ZGRF1: variants seen among roughly 807,000 people sequenced by gnomAD.
ZGRF1 encodes the protein 5'-3' DNA helicase ZGRF1.
ZGRF1 carries 196 observed loss-of-function variants against 203.5 expected under a neutral mutation model. The ratio of observed to expected loss-of-function variants is 0.96; its 90% CI spans 0.86 to 1.08. The LOEUF is 1.08. ZGRF1 is among the 50% of genes least tolerant of loss of function. The probability of loss-of-function intolerance (pLI) is 0.00; values close to 1 mark genes in which losing one functional copy is unlikely to be tolerated. For missense variants in ZGRF1, 2,326 were observed against 2,416.3 expected (o/e 0.96, Z 0.78); for synonymous variants, 809 against 841.3 (o/e 0.96, Z 0.66).
chr4:112,573,196 A>ACC (rs1464721225), intron 16 of ZGRF1, among the ~76,000 whole-genome samples: 2 of 148,352 alleles, frequency 1.3e-5, no homozygotes, highest in Admixed American at 1.4e-4. Flanking sequence ...ACACACACAC[A>ACC]CACACCCATG....
At chr4:112,592,718 T>C (rs193287038) in intron 10 of ZGRF1, among the ~76,000 whole-genome samples, 2 of 152,350 alleles carry the variant, frequency 1.3e-5, no homozygotes, top group Non-Finnish European at 2.9e-5. Context: ...AGCATCTCTA[T>C]TTGATGGTTT....
chr4:112,581,643 G>A lies in ZGRF1; in HGVS notation c.4438+20C>T, dbSNP rs1746277422. 2 of 1,554,534 alleles carry A rather than the reference G, an allele frequency of 1.3e-6. No individual in the cohort carries two copies. The highest frequency in any genetic ancestry group is 1.7e-6 in the Non-Finnish European group (2 of 1,155,924). On this transcript the variant is annotated intron_variant, in intron 16 of 27. Transcript: ENST00000505019. ...ATAATAAGGCTAGACTGAATCGCCA[G>A]TATGATCAGATCAACTTACTTTTGC... is the stretch of plus-strand genomic sequence containing the variant.
chr4:112,596,306 C>T (rs1748998194), intron 10 of ZGRF1, among the ~76,000 whole-genome samples: 1 of 152,046 alleles, frequency 6.6e-6, no homozygotes, highest in Non-Finnish European at 1.5e-5. Flanking sequence ...TAAAGGAAAG[C>T]CCAATAAGAA....
intron 7 of ZGRF1, among the ~76,000 whole-genome samples, chr4:112,610,229 T>A (rs1166631672): frequency 6.6e-6 from 1 of 152,108 alleles, no homozygotes; most frequent in African/African-American, 2.4e-5. Flanking sequence ...CTAGTAAAAA[T>A]GAAGTAAAAT....
intron 1 of ZGRF1, 46 bp from the exon 2 acceptor site, chr4:112,633,288 A>T: frequency 1.2e-6 from 1 of 856,358 alleles, no homozygotes; most frequent in Non-Finnish European, 1.9e-6. Context: ...TTTTTAAAAA[A>T]TATCAAATAT....
chr4:112,589,424 G>A (rs1747773623), intron 11 of ZGRF1, among the ~76,000 whole-genome samples: 2 of 152,110 alleles, frequency 1.3e-5, no homozygotes, highest in Non-Finnish European at 2.9e-5. Context: ...GCTGTAAAGG[G>A]GTCAGATGCT....
chr4:112,602,795 A>G (rs1413025304), intron 10 of ZGRF1, among the ~76,000 whole-genome samples: 1 of 152,206 alleles, frequency 6.6e-6, no homozygotes, highest in Non-Finnish European at 1.5e-5. Flanking sequence ...CAAAGAATAC[A>G]CTGTGTATGA....
rs36039349 is a variant in ZGRF1 at position 112,608,299 on chromosome 4, T to C, written c.2718+1080A>G. Among the ~76,000 whole-genome samples the C allele has an allele frequency of 6.2e-3, 940 of 152,324 alleles. 9 individuals are homozygous for C. The highest frequency in any genetic ancestry group is 8.7e-3 in the Non-Finnish European group (595 of 68,028). On this transcript the variant is annotated intron_variant, in intron 8 of 27. Coordinates refer to ENST00000505019, the MANE Select transcript of ZGRF1 (RefSeq NM_018392.5). Reference sequence around the variant, plus strand: ...AATGATAGTGTTTATCTGTAGTTTATACTCTGTGATACCTGTCCTTAAAAA... The same window carrying C: ...AATGATAGTGTTTATCTGTAGTTTACACTCTGTGATACCTGTCCTTAAAAA...
At chr4:112,551,569 A>T (rs943402608) in intron 22 of ZGRF1, among the ~76,000 whole-genome samples, 6 of 152,228 alleles carry the variant, frequency 3.9e-5, no homozygotes, top group Non-Finnish European at 7.3e-5. Context: ...ATAGCCCTGT[A>T]TCAGTTAGGT....
intron 3 of ZGRF1, among the ~76,000 whole-genome samples, chr4:112,624,301 A>G (rs1235561511): frequency 6.6e-6 from 1 of 152,076 alleles, no homozygotes; most frequent in African/African-American, 2.4e-5. Context: ...GGATCACTTG[A>G]GGTCTAGACC....
chr4:112,564,499 G>T lies in ZGRF1; in HGVS notation c.4439-1225C>A, dbSNP rs77196057. ...AATAGGAATGAGAGATTGAAGTGAA[G>T]AAAATAAACTGAAGAGAACCTTAAG... On this transcript the variant is annotated intron_variant, in intron 16 of 27. Transcript: ENST00000505019. Among the ~76,000 whole-genome samples, 1,368 of 152,084 alleles carry T rather than the reference G, an allele frequency of 9.0e-3. 17 individuals carry two copies. Among genetic ancestry groups the T allele is most frequent in the African/African-American group, 0.031 (1,276 of 41,496 alleles).
intron 16 of ZGRF1, among the ~76,000 whole-genome samples, chr4:112,568,202 T>C (rs1743484611): frequency 6.6e-6 from 1 of 151,544 alleles, no homozygotes; most frequent in Non-Finnish European, 1.5e-5. Context: ...AAGAGATAAA[T>C]AGGAAGCTTA....
intron 16 of ZGRF1, among the ~76,000 whole-genome samples, chr4:112,566,556 A>G (rs1218057560): frequency 2.6e-5 from 4 of 152,106 alleles, no homozygotes. Flanking sequence ...TAATAACATA[A>G]TTCAAAACAT....
intron 1 of ZGRF1, among the ~76,000 whole-genome samples, chr4:112,636,336 A>G: frequency 6.6e-6 from 1 of 152,208 alleles, no homozygotes; most frequent in East Asian, 1.9e-4. Context: ...TATATACATA[A>G]AACTCGGTGT....
At position 112,577,767 on chromosome 4, in the gene ZGRF1, C is replaced by T. The variant is rs1317550406; in HGVS notation, c.4438+3896G>A. 6.5e-5 allele frequency among the ~76,000 whole-genome samples: 8 copies of T among 122,572 alleles called. 1 individual carries two copies. The highest frequency in any genetic ancestry group is 2.8e-4 in the Admixed American group (3 of 10,772). The allele number at this position is 122,572 out of a possible 152,430, so 80.4% of individuals were successfully genotyped here. A position where few individuals can be genotyped will look rare whatever the true frequency, so the allele number is the denominator to read the frequency against. On this transcript the variant is annotated intron_variant, in intron 16 of 27. Transcript: ENST00000505019. The stretch of plus-strand genomic sequence containing the variant: ...ATATGCACCCAATTACAGGAGCACC[C>T]GGATTCATAGAGCAAGTCCTTAGAG...
At chr4:112,613,652 G>A (rs567576485) in intron 6 of ZGRF1, among the ~76,000 whole-genome samples, 1 of 152,284 alleles carries the variant, frequency 6.6e-6, no homozygotes, top group East Asian at 1.9e-4. Context: ...GCTATGACAA[G>A]GGTAAAAGTG....
Position 112,617,468 on chromosome 4 carries a change from C to T in ZGRF1, c.2574G>A (p.Gln858=), listed in dbSNP as rs2046919580. ...CAGGAGGGCTATCTGGCTCATACGT[C>T]TGTTGAGTTCCTTGCTGAAAGACAG... ...KNTVFQQGTQ[Q]TYEPDSPPEV... Residue 858 remains glutamine (Q), a synonymous_variant, in exon 6 of 28, where the codon CAG becomes CAA. Transcript: ENST00000505019. The T allele has an allele frequency of 1.3e-6, 2 of 1,571,496 alleles. No individual in the cohort carries two copies. Among genetic ancestry groups the T allele is most frequent in the Non-Finnish European group, 1.7e-6 (2 of 1,163,218 alleles).
chr4:112,576,485 A>G (rs1031451383), intron 16 of ZGRF1, among the ~76,000 whole-genome samples: 5 of 152,208 alleles, frequency 3.3e-5, no homozygotes, highest in African/African-American at 7.2e-5. Context: ...ACTCCCAGCT[A>G]AAGGAGGAAG....
At chr4:112,630,810 G>T (rs922162736) in intron 3 of ZGRF1, among the ~76,000 whole-genome samples, 1 of 150,598 alleles carries the variant, frequency 6.6e-6, no homozygotes, top group African/African-American at 2.4e-5. Flanking sequence ...CTGCTTGAAC[G>T]TGGGAGGCGG....
Sources: gnomAD v4.1 joint callset for allele counts (sites outside exome capture counted in the v4.1 genomes callset) on GRCh38, gnomAD v4.1.1 for gene constraint, MANE v1.5 for transcripts, NCBI Gene and HGNC (gene_info 2026-07-23, HGNC 2026-07-21) for gene names.